The following CACNG7 variants were observed in gnomAD, a reference collection of about 807,000 sequenced individuals.
CACNG7 encodes the protein voltage-dependent calcium channel gamma-7 subunit.
Under a neutral mutation model 26.3 loss-of-function variants are expected in CACNG7, and 9 were observed. That is an observed-to-expected ratio of 0.34 (90% CI 0.21 to 0.60). CACNG7 has a LOEUF of 0.60. Among genes scored for constraint, CACNG7 ranks in the 20% least tolerant of loss-of-function variants. The pLI, the probability that CACNG7 is intolerant of heterozygous loss-of-function variation, is 0.81. For synonymous variants in CACNG7, 170 were observed against 157.0 expected, an observed-to-expected ratio of 1.08 and a Z score of -0.62; for missense variants, 297 against 380.4, an observed-to-expected ratio of 0.78 and a Z score of 1.82.
intron 4 of CACNG7, among the ~76,000 whole-genome samples, chr19:53,937,457 AC>A (rs1183288134): frequency 6.6e-6 from 1 of 152,050 alleles, no homozygotes; most frequent in Non-Finnish European, 1.5e-5. Flanking sequence ...ACTTCTGACT[AC>A]CCGGTTGATG....
chr19:53,938,068 C>G (rs995833656), intron 4 of CACNG7, among the ~76,000 whole-genome samples: 1 of 151,260 alleles, frequency 6.6e-6, no homozygotes, highest in African/African-American at 2.4e-5. Context: ...TGTTCTAGGC[C>G]GAGTGTGGTG....
At chr19:53,914,801 A>T (rs140192629) in intron 3 of CACNG7, among the ~76,000 whole-genome samples, 29,976 of 151,764 alleles carry the variant, frequency 0.2, 3,013 homozygotes, top group South Asian at 0.2. Flanking sequence ...CAGGAGTTCG[A>T]AACCAGCCTG....
At chr19:53,928,276 T>C (rs559263163) in intron 4 of CACNG7, among the ~76,000 whole-genome samples, 2 of 152,058 alleles carry the variant, frequency 1.3e-5, no homozygotes, top group Admixed American at 6.6e-5. Flanking sequence ...TATTTATTTA[T>C]TTATTTACTT....
At chr19:53,923,829 G>A (rs533081702) in intron 4 of CACNG7, among the ~76,000 whole-genome samples, 1 of 135,834 alleles carries the variant, frequency 7.4e-6, no homozygotes, top group Admixed American at 7.1e-5. Context: ...CCCAGGTCTG[G>A]TCATTGGTGG....
intron 4 of CACNG7, among the ~76,000 whole-genome samples, chr19:53,928,667 G>C (rs2069050285): frequency 6.6e-6 from 1 of 152,166 alleles, no homozygotes; most frequent in Admixed American, 6.5e-5. Context: ...GCAGGAACCA[G>C]ATCACAGACA....
chr19:53,923,202 C>T (rs1212485292), intron 4 of CACNG7, among the ~76,000 whole-genome samples: 2 of 69,176 alleles, frequency 2.9e-5, no homozygotes, highest in Non-Finnish European at 5.3e-5. Flanking sequence ...TGGGGTTGTC[C>T]CAGGCTCGTC....
rs34868663 is a variant in CACNG7, at chr19:53,924,195, G to C, written c.424+8690G>C. ...TTGGTCCCAGGTCTGGTCATTGGTG[G>C]AGTTGTCCCAGGTCTGGTCATTGGT... On this transcript the variant is annotated intron_variant, in intron 4 of 5. Coordinates refer to ENST00000391767, the MANE Select transcript of CACNG7 (RefSeq NM_031896.5). Among the ~76,000 whole-genome samples the C allele has an allele frequency of 2.4e-4, 32 of 132,952 alleles. 3 individuals are homozygous for C. Among genetic ancestry groups the C allele is most frequent in the African/African-American group, 7.4e-4 (24 of 32,652 alleles). The allele number at this position is 132,952 out of a possible 152,430, so 87.2% of individuals were successfully genotyped here.
chr19:53,924,050 A>G (rs1316634921), intron 4 of CACNG7, among the ~76,000 whole-genome samples: 1 of 124,050 alleles, frequency 8.1e-6, no homozygotes, highest in African/African-American at 3.4e-5. Flanking sequence ...AGGCCTGGTC[A>G]TTGGTGGAGT....
At chr19:53,935,033 A>G (rs1007603315) in intron 4 of CACNG7, among the ~76,000 whole-genome samples, 6 of 152,090 alleles carry the variant, frequency 3.9e-5, no homozygotes, top group Non-Finnish European at 5.9e-5. Flanking sequence ...ATATATGTAT[A>G]CACATATTAC....
intron 4 of CACNG7, among the ~76,000 whole-genome samples, chr19:53,916,186 C>G (rs769502111): frequency 6.6e-6 from 1 of 152,204 alleles, no homozygotes; most frequent in African/African-American, 2.4e-5. Flanking sequence ...ACCCTACTTA[C>G]GTCATCGTAC....
intron 4 of CACNG7, among the ~76,000 whole-genome samples, chr19:53,928,837 A>C (rs1568780495): frequency 6.6e-6 from 1 of 152,068 alleles, no homozygotes; most frequent in South Asian, 2.1e-4. Flanking sequence ...AAGGCCGGGC[A>C]CGGTAGCTCA....
At chr19:53,932,168 G>A (rs548624007) in intron 4 of CACNG7, among the ~76,000 whole-genome samples, 6 of 149,120 alleles carry the variant, frequency 4.0e-5, no homozygotes, top group East Asian at 2.0e-4. Flanking sequence ...TGGAAGAATC[G>A]CTTTGAACCC....
intron 4 of CACNG7, among the ~76,000 whole-genome samples, chr19:53,923,743 GT>G (rs761126999): frequency 7.5e-5 from 7 of 93,598 alleles, no homozygotes; most frequent in South Asian, 3.4e-4. Context: ...GTTGCCCCAG[GT>G]CTGGTCATTG....
intron 4 of CACNG7, among the ~76,000 whole-genome samples, chr19:53,917,518 A>G (rs889679477): frequency 6.6e-6 from 1 of 151,924 alleles, no homozygotes; most frequent in Non-Finnish European, 1.5e-5. Flanking sequence ...TCTTGGTGCA[A>G]CCTCCCCCAT....
chr19:53,930,625 G>A (rs2069065533), intron 4 of CACNG7, among the ~76,000 whole-genome samples: 1 of 151,976 alleles, frequency 6.6e-6, no homozygotes, highest in Admixed American at 6.6e-5. Flanking sequence ...TGCCCACCTA[G>A]GCCTCCCAAA....
rs1240097305 is a variant in CACNG7 at position 53,909,368 on chromosome 19, AG to A, written c.-174del. On this transcript the variant is annotated 5_prime_UTR_variant, in exon 1 of 6. Coordinates refer to ENST00000391767, the MANE Select transcript of CACNG7 (RefSeq NM_031896.5). The surrounding 1 kb of genome is among the most constrained non-coding windows in gnomAD (Gnocchi z 5.1). ...GGGGGGTGGGGGGTGGGAGGCCGGG[AG>A]GGGGCCGGGACGCCGGGCTCCGGGG... 1 of 115,890 alleles carries A rather than the reference AG, an allele frequency of 8.6e-6. No individual in the cohort carries two copies. Among genetic ancestry groups the A allele is most frequent in the African/African-American group, 3.0e-5 (1 of 33,074 alleles). 7.2% of individuals were successfully genotyped at this position (115,890 alleles called of 1,614,324 possible).
intron 4 of CACNG7, among the ~76,000 whole-genome samples, chr19:53,924,289 T>TCTGGTCATTGGTGGAGTTGCCCCAGGC (rs1568777286): frequency 3.1e-5 from 4 of 127,034 alleles, no homozygotes; most frequent in Non-Finnish European, 4.7e-5. Flanking sequence ...TTTCCCCAGG[T>TCTGGTCATTGGTGGAGTTGCCCCAGGC]CTGGTCATTG....
At chr19:53,931,025 G>A (rs576892417) in intron 4 of CACNG7, among the ~76,000 whole-genome samples, 17 of 151,524 alleles carry the variant, frequency 1.1e-4, no homozygotes, top group Non-Finnish European at 1.0e-4. Flanking sequence ...GTAAAATCCC[G>A]TCTCTCCAAA....
Position 53,912,829 on chromosome 19 carries a change from A to G in CACNG7, c.-3A>G. The stretch of plus-strand genomic sequence containing the variant: ...CCCCGCAGGGCGCCCCCTGCCTCTG[A>G]GGATGAGTCACTGCAGCAGCCGCGC... On this transcript the variant is annotated 5_prime_UTR_variant, in exon 2 of 6. Transcript: ENST00000391767. This position sits in a 1 kb window ranked among gnomAD's most constrained non-coding sequence, Gnocchi z 4.6. The G allele has an allele frequency of 6.2e-7, 1 of 1,611,632 alleles. No individual in the cohort carries two copies. Among genetic ancestry groups the G allele is most frequent in the Non-Finnish European group, 8.5e-7 (1 of 1,179,912 alleles).
Sources: gnomAD v4.1 joint callset for allele counts (sites outside exome capture counted in the v4.1 genomes callset) on GRCh38, gnomAD v4.1.1 for gene constraint, Gnocchi (gnomAD v3.1) non-coding constraint, MANE v1.5 for transcripts, NCBI Gene and HGNC (gene_info 2026-07-23, HGNC 2026-07-21) for gene names.